The following BAIAP2 variants were observed in gnomAD, a reference collection of about 807,000 sequenced individuals.
BAIAP2 encodes the protein BAR/IMD domain-containing adapter protein 2.
Under a neutral mutation model 63.0 loss-of-function variants are expected in BAIAP2, and 18 were observed. The observed-to-expected ratio is 0.29, with a 90% CI of 0.20 to 0.42. BAIAP2 has a LOEUF of 0.42. BAIAP2 is among the 10% of genes least tolerant of loss of function. The pLI is 1.00. For synonymous variants in BAIAP2, 386 were observed against 307.6 expected (o/e 1.25, Z -2.67); for missense variants, 610 against 734.3 (o/e 0.83, Z 1.96).
intron 13 of BAIAP2, chr17:81,109,187 C>A (rs373932485): frequency 1.3e-5 from 18 of 1,407,712 alleles, no homozygotes; most frequent in Middle Eastern, 1.8e-4. Flanking sequence ...CTCCATCCGC[C>A]CCCCCTCCCC....
At chr17:81,065,674 C>T (rs1194138547) in intron 3 of BAIAP2, among the ~76,000 whole-genome samples, 6 of 152,234 alleles carry the variant, frequency 3.9e-5, no homozygotes, top group Admixed American at 2.0e-4. Context: ...CGAGGCTGGG[C>T]GCACAGAGCT....
chr17:81,048,297 T>C (rs3935988), intron 1 of BAIAP2, among the ~76,000 whole-genome samples: 12,331 of 134,100 alleles, frequency 0.092, 672 homozygotes, highest in South Asian at 0.19. Flanking sequence ...GGCAGGAGAA[T>C]CACTTGCTGA....
rs2047815504 is a variant in BAIAP2 at position 81,046,428 on chromosome 17, T to C, written c.55-7240T>C. Among the ~76,000 whole-genome samples the C allele has an allele frequency of 6.6e-6, 1 of 152,030 alleles. No individual in the cohort carries two copies. Among genetic ancestry groups the C allele is most frequent in the Middle Eastern group, 3.2e-3 (1 of 316 alleles). On this transcript the variant is annotated intron_variant, in intron 1 of 13. Coordinates refer to ENST00000428708, the MANE Select transcript of BAIAP2 (RefSeq NM_001144888.2). The surrounding 1 kb of genome is among the most constrained non-coding windows in gnomAD (Gnocchi z 4.5). ...CCTCCAGGACAGATGTCCAAGTGTT[T>C]AGAGGGGACAGGACTGTCCACACCA...
At chr17:81,074,799 C>T (rs1014531253) in intron 3 of BAIAP2, among the ~76,000 whole-genome samples, 5 of 152,068 alleles carry the variant, frequency 3.3e-5, no homozygotes, top group African/African-American at 1.2e-4. Flanking sequence ...TGTGCATGTA[C>T]GGATGCGTGT....
Position 81,098,166 on chromosome 17 carries a change from G to GT in BAIAP2, c.490-1761dup, listed in dbSNP as rs904951040. 9 of 1,468,246 alleles carry GT rather than the reference G, an allele frequency of 6.1e-6. No homozygotes were observed. In the African/African-American group the frequency reaches 8.4e-5, roughly 14 times the overall value. The allele number at this position is 1,468,246 out of a possible 1,614,324, so 91.0% of individuals were successfully genotyped here. The stretch of plus-strand genomic sequence containing the variant: ...GCAGAGAGCCCTGGGGTTTGGAACT[G>GT]TCACTTCCACCTACAGCCCTGTTGG... On this transcript the variant is annotated intron_variant, in intron 6 of 13. Transcript: ENST00000428708.
chr17:81,097,725 CAG>C (rs1220536140), intron 6 of BAIAP2: 5 of 168,206 alleles, frequency 3.0e-5, no homozygotes, highest in Non-Finnish European at 6.3e-5. Flanking sequence ...AGAGGCGAGA[CAG>C]AGGAGAGCTG....
At chr17:81,078,459 C>T (rs1484602512) in intron 3 of BAIAP2, among the ~76,000 whole-genome samples, 2 of 131,392 alleles carry the variant, frequency 1.5e-5, no homozygotes, top group Non-Finnish European at 3.2e-5. Context: ...GGTGCGGGTG[C>T]CGTATTGGGT....
At chr17:81,036,283 C>A (rs1052297005) in intron 1 of BAIAP2, among the ~76,000 whole-genome samples, 5 of 152,252 alleles carry the variant, frequency 3.3e-5, no homozygotes, top group Non-Finnish European at 4.4e-5. Flanking sequence ...CGATCTCTTA[C>A]AGATGTGCTT....
intron 3 of BAIAP2, among the ~76,000 whole-genome samples, chr17:81,068,733 T>G (rs2051990475): frequency 6.6e-6 from 1 of 152,078 alleles, no homozygotes; most frequent in South Asian, 2.1e-4. Flanking sequence ...GGTTGTGACA[T>G]GAAGTCCTGC....
At chr17:81,108,423 G>C in intron 12 of BAIAP2, 52 bp from the exon 13 acceptor site, 1 of 1,606,140 alleles carries the variant, frequency 6.2e-7, no homozygotes, top group Non-Finnish European at 8.5e-7. Flanking sequence ...GCGGGTGGGG[G>C]TGACCACAGG....
intron 5 of BAIAP2, among the ~76,000 whole-genome samples, 153 bp downstream of exon 5, chr17:81,085,878 C>T (rs567689744): frequency 5.6e-4 from 86 of 152,366 alleles, no homozygotes; most frequent in African/African-American, 2.0e-3. Flanking sequence ...CCATTTGGGA[C>T]CGAGTGCCCC....
At chr17:81,100,786 C>T (rs948410647) in intron 7 of BAIAP2, among the ~76,000 whole-genome samples, 2 of 152,122 alleles carry the variant, frequency 1.3e-5, no homozygotes, top group South Asian at 4.1e-4. Flanking sequence ...CCTCCCCAGT[C>T]CCTCCCTCAC....
chr17:81,061,681 C>T (rs138696230), intron 3 of BAIAP2, among the ~76,000 whole-genome samples: 2 of 152,310 alleles, frequency 1.3e-5, no homozygotes, highest in East Asian at 3.9e-4. Context: ...TGTTGATGGA[C>T]ACCTGGGTGT....
intron 2 of BAIAP2, among the ~76,000 whole-genome samples, chr17:81,055,574 G>T (rs111828001): frequency 0.2 from 23,155 of 117,458 alleles, 2,599 homozygotes; most frequent in Non-Finnish European, 0.24. Context: ...AGGGTGTTTT[G>T]TTTTTTTTTG....
chr17:81,045,092 G>A (rs2047622454), intron 1 of BAIAP2, among the ~76,000 whole-genome samples: 2 of 152,226 alleles, frequency 1.3e-5, no homozygotes, highest in Non-Finnish European at 2.9e-5. Context: ...CTCCTCCTGC[G>A]TGGGCCGGGT....
chr17:81,110,715 C>T (rs1056269665), intron 13 of BAIAP2, among the ~76,000 whole-genome samples: 2 of 152,220 alleles, frequency 1.3e-5, no homozygotes, highest in African/African-American at 4.8e-5. Flanking sequence ...GAGGCAGGCT[C>T]CTGGCTCCCT....
At chr17:81,037,528 C>T (rs1365131594) in intron 1 of BAIAP2, among the ~76,000 whole-genome samples, 2 of 152,226 alleles carry the variant, frequency 1.3e-5, no homozygotes, top group East Asian at 1.9e-4. Context: ...AAACTCAGCC[C>T]ACATGGAGAC....
chr17:81,112,455 C>T (rs2060031980), intron 13 of BAIAP2, among the ~76,000 whole-genome samples: 2 of 152,230 alleles, frequency 1.3e-5, no homozygotes. Context: ...TCCCCAATCC[C>T]ATTGCCACCC....
At chr17:81,084,781 G>A in intron 3 of BAIAP2, 51 bp from the exon 4 acceptor site, 1 of 1,582,676 alleles carries the variant, frequency 6.3e-7, no homozygotes, top group Non-Finnish European at 8.7e-7. Flanking sequence ...TGACGGTGGT[G>A]ACTGCGAGCA....
Sources: allele counts gnomAD v4.1 joint callset (sites outside exome capture counted in the v4.1 genomes callset), GRCh38; gene constraint gnomAD v4.1.1; non-coding constraint Gnocchi (gnomAD v3.1); transcripts MANE v1.5; gene names NCBI Gene and HGNC (gene_info 2026-07-23, HGNC 2026-07-21).